AAK1: variants seen among roughly 807,000 people sequenced by gnomAD.
AAK1 encodes the protein AP2 associated kinase 1, also known as AP2-associated protein kinase 1.
AAK1 carries 37 observed loss-of-function variants against 116.0 expected under a neutral mutation model. The ratio of observed to expected loss-of-function variants is 0.32; its 90% CI spans 0.25 to 0.42. The LOEUF (loss-of-function observed/expected upper bound fraction) is 0.42. Among genes scored for constraint, AAK1 ranks in the 10% least tolerant of loss-of-function variants. The pLI is 1.00. For synonymous variants in AAK1, 458 were observed against 439.9 expected (o/e 1.04, Z -0.51); for missense variants, 919 against 1,170.6 (o/e 0.79, Z 3.14).
At chr2:69,556,746 C>A (rs906282893) in intron 3 of AAK1, 114 bp downstream of exon 3, 1 of 741,562 alleles carries the variant, frequency 1.3e-6, no homozygotes. Context: ...CCATTTTGTA[C>A]AGAGGCCTCT....
At chr2:69,636,408 A>G (rs1220748393) in intron 2 of AAK1, among the ~76,000 whole-genome samples, 1 of 152,234 alleles carries the variant, frequency 6.6e-6, no homozygotes, top group African/African-American at 2.4e-5. Context: ...CTTCATCCTA[A>G]GTATATAATG....
intron 2 of AAK1, among the ~76,000 whole-genome samples, chr2:69,558,203 C>T (rs975751615): frequency 6.6e-6 from 1 of 151,964 alleles, no homozygotes; most frequent in African/African-American, 2.4e-5. Flanking sequence ...ATTAGCGAGG[C>T]ATGGTGGGCG....
chr2:69,474,517 A>T lies in AAK1; in HGVS notation c.*1352T>A. The T allele has an allele frequency of 1.0e-6, 1 of 984,862 alleles. No individual in the cohort carries two copies. Among genetic ancestry groups the T allele is most frequent in the Non-Finnish European group, 1.2e-6 (1 of 829,372 alleles). The allele number at this position is 984,862 out of a possible 1,614,324, so 61.0% of individuals were successfully genotyped here. A position where few individuals can be genotyped will look rare whatever the true frequency, so the allele number is the denominator to read the frequency against. The stretch of plus-strand genomic sequence containing the variant: ...TTTTATGAACAATATCCTAAAGTTA[A>T]TAAAGAACTATGCTTTATTATTTTT... On this transcript the variant is annotated 3_prime_UTR_variant, in exon 22 of 22. Coordinates refer to ENST00000409085, the MANE Select transcript of AAK1 (RefSeq NM_014911.5).
At chr2:69,627,471 G>A (rs1674959837) in intron 2 of AAK1, among the ~76,000 whole-genome samples, 2 of 152,114 alleles carry the variant, frequency 1.3e-5, no homozygotes, top group Non-Finnish European at 2.9e-5. Context: ...ATTTAAGTGA[G>A]CTCTGAATGA....
At chr2:69,482,389 C>A in intron 18 of AAK1, 2 of 528,916 alleles carry the variant, frequency 3.8e-6, no homozygotes, top group Non-Finnish European at 3.3e-6. Context: ...TGCTAAATTT[C>A]ATTAAGTTCA....
chr2:69,565,227 C>G lies in AAK1; in HGVS notation c.164-8249G>C, dbSNP rs76327044. ...CCTCAATGCCAGCCAATTGCTGTCA[C>G]GAAGGAACGTGGGCTAAGAGTTGTC... On this transcript the variant is annotated intron_variant, in intron 2 of 21. Transcript: ENST00000409085. 4.4e-3 allele frequency among the ~76,000 whole-genome samples: 663 copies of G among 152,346 alleles called. 5 individuals carry two copies. The highest frequency in any genetic ancestry group is 0.014 in the African/African-American group (600 of 41,580).
At chr2:69,557,362 C>T (rs374105763) in intron 2 of AAK1, among the ~76,000 whole-genome samples, 32 of 147,788 alleles carry the variant, frequency 2.2e-4, no homozygotes, top group African/African-American at 6.5e-4. Context: ...CATGAAGTGG[C>T]GTGATCACTG....
chr2:69,619,948 G>T (rs1407471644), intron 2 of AAK1, among the ~76,000 whole-genome samples: 1 of 152,218 alleles, frequency 6.6e-6, no homozygotes. Context: ...AGGATTTACA[G>T]TTTTACTCTG....
chr2:69,597,182 C>G (rs1299588062), intron 2 of AAK1, among the ~76,000 whole-genome samples: 1 of 150,324 alleles, frequency 6.7e-6, no homozygotes, highest in Non-Finnish European at 1.5e-5. Flanking sequence ...AATTTCAAGC[C>G]AATCTGAGAT....
intron 2 of AAK1, among the ~76,000 whole-genome samples, chr2:69,602,502 T>C (rs1016009669): frequency 6.6e-6 from 1 of 152,214 alleles, no homozygotes; most frequent in Non-Finnish European, 1.5e-5. Context: ...AAAACAAATG[T>C]AGCAAAATAT....
intron 10 of AAK1, among the ~76,000 whole-genome samples, chr2:69,522,340 G>A (rs1669822809): frequency 6.6e-6 from 1 of 152,192 alleles, no homozygotes; most frequent in South Asian, 2.1e-4. Context: ...TACCTCCAAG[G>A]TCCATCCTGG....
At chr2:69,476,104 A>G in intron 21 of AAK1, 141 bp from the exon 22 acceptor site, 2 of 1,432,836 alleles carry the variant, frequency 1.4e-6, no homozygotes, top group South Asian at 3.0e-5. Flanking sequence ...TAGAGAAGCA[A>G]TATTTTACAT....
rs1381860731 is a variant in AAK1 at position 69,472,991 on chromosome 2, T to C, written c.*2878A>G. ...CCGTAATAGCAGGAACTACAGAAGATAACTGAAGAACATCAGGATTATATA... is the reference window on the plus strand; with the variant it reads ...CCGTAATAGCAGGAACTACAGAAGACAACTGAAGAACATCAGGATTATATA... On this transcript the variant is annotated 3_prime_UTR_variant, in exon 22 of 22. Transcript: ENST00000409085. 2 of 983,866 alleles carry C rather than the reference T, an allele frequency of 2.0e-6. No homozygotes were observed. Among genetic ancestry groups the C allele is most frequent in the East Asian group, 2.3e-4 (2 of 8,824 alleles). 60.9% of individuals were successfully genotyped at this position (983,866 alleles called of 1,614,324 possible).
At chr2:69,511,130 C>T (rs982614572) in intron 13 of AAK1, among the ~76,000 whole-genome samples, 5 of 152,208 alleles carry the variant, frequency 3.3e-5, no homozygotes, top group African/African-American at 9.6e-5. Context: ...TTCACCATCC[C>T]TTCCCTCCAG....
chr2:69,543,649 A>C (rs1237885243), intron 4 of AAK1, among the ~76,000 whole-genome samples: 2 of 151,930 alleles, frequency 1.3e-5, no homozygotes, highest in Non-Finnish European at 2.9e-5. Context: ...CTCATGATCC[A>C]CCCGCCTTGG....
rs61271799 is a variant in AAK1 at position 69,568,425 on chromosome 2, C to CT, written c.164-11448dup. 9.5e-3 allele frequency among the ~76,000 whole-genome samples: 1,165 copies of CT among 122,202 alleles called. 9 individuals carry two copies. Among genetic ancestry groups the CT allele is most frequent in the African/African-American group, 0.021 (675 of 32,634 alleles). 80.2% of individuals were successfully genotyped at this position (122,202 alleles called of 152,430 possible). On this transcript the variant is annotated intron_variant, in intron 2 of 21. Transcript: ENST00000409085. ...ATCAAAGGTATATAAATGTTTTCAA[C>CT]TTTTTTTTTTTTTTTTTTTTTTTAA...
intron 2 of AAK1, among the ~76,000 whole-genome samples, chr2:69,627,461 A>T (rs561090604): frequency 1.6e-4 from 24 of 152,294 alleles, no homozygotes; most frequent in African/African-American, 4.6e-4. Context: ...ATGAAGTGGG[A>T]TTTAAGTGAG....
intron 2 of AAK1, among the ~76,000 whole-genome samples, chr2:69,600,388 A>G (rs1673522438): frequency 6.6e-6 from 1 of 152,044 alleles, no homozygotes; most frequent in African/African-American, 2.4e-5. Flanking sequence ...AAGTCAAAAT[A>G]CCAACATTAA....
intron 3 of AAK1, among the ~76,000 whole-genome samples, chr2:69,546,657 C>T (rs1490007959): frequency 6.6e-6 from 1 of 152,164 alleles, no homozygotes; most frequent in Non-Finnish European, 1.5e-5. Flanking sequence ...ATTGGTAGAA[C>T]CATGCTATGG....
Sources: gnomAD v4.1 joint callset for allele counts (sites outside exome capture counted in the v4.1 genomes callset) on GRCh38, gnomAD v4.1.1 for gene constraint, MANE v1.5 for transcripts, NCBI Gene and HGNC (gene_info 2026-07-23, HGNC 2026-07-21) for gene names.